Variants in CEACAM7 observed in about 807,000 individuals in gnomAD.
CEACAM7 encodes cell adhesion molecule CEACAM7.
In CEACAM7, 24 loss-of-function variants were observed where a neutral mutation model predicts 25.7. The ratio of observed to expected loss-of-function variants is 0.93; its 90% CI spans 0.68 to 1.31. The LOEUF is 1.31. CEACAM7 is among the 40% of genes most tolerant of loss of function. CEACAM7 has a pLI of 0.00. For synonymous variants in CEACAM7, 144 were observed against 129.4 expected, an observed-to-expected ratio of 1.11 and a Z score of -0.77; for missense variants, 324 against 330.1, an observed-to-expected ratio of 0.98 and a Z score of 0.14.
intron 3 of CEACAM7, among the ~76,000 whole-genome samples, chr19:41,679,801 C>CTCTCTTTT (rs35780292): frequency 8.0e-5 from 9 of 111,926 alleles, no homozygotes; most frequent in South Asian, 3.0e-4. Flanking sequence ...CTCTCTCTCT[C>CTCTCTTTT]TTTTTTTTTT....
chr19:41,675,086 G>A (rs576160202), intron 4 of CEACAM7, among the ~76,000 whole-genome samples: 2 of 152,306 alleles, frequency 1.3e-5, no homozygotes, highest in South Asian at 2.1e-4. Flanking sequence ...CAGTACCTCA[G>A]TACCTACGGG....
At chr19:41,676,844 G>A (rs2072118777) in intron 4 of CEACAM7, among the ~76,000 whole-genome samples, 1 of 152,164 alleles carries the variant, frequency 6.6e-6, no homozygotes, top group African/African-American at 2.4e-5. Flanking sequence ...TGTATAGGAA[G>A]ACAGATCTAA....
At position 41,674,056 on chromosome 19, in the gene CEACAM7, T is replaced by G. The variant is rs1263775808; in HGVS notation, c.*720A>C. ...ATTTGTTAATTTTTGCAACTGAGTC[T>G]CTATAGTACCCACTGTATTTATTTA... On this transcript the variant is annotated 3_prime_UTR_variant, in exon 5 of 5. Transcript: ENST00000401731. 2 of 152,250 alleles carry G rather than the reference T, an allele frequency of 1.3e-5. No homozygotes were observed. The highest frequency in any genetic ancestry group is 2.9e-5 in the Non-Finnish European group (2 of 68,046). The allele number at this position is 152,250 out of a possible 1,614,324, so 9.4% of individuals were successfully genotyped here.
At chr19:41,684,191 G>A in intron 2 of CEACAM7, 128 bp from the exon 3 acceptor site, 1 of 959,522 alleles carries the variant, frequency 1.0e-6, no homozygotes, top group Non-Finnish European at 1.6e-6. Flanking sequence ...CACAGAAGGT[G>A]TGTGTATCAC....
intron 2 of CEACAM7, among the ~76,000 whole-genome samples, chr19:41,686,580 G>A (rs1171586209): frequency 6.6e-6 from 1 of 152,138 alleles, no homozygotes; most frequent in Non-Finnish European, 1.5e-5. Flanking sequence ...TTTTCAGGGG[G>A]AGGGCACAGA....
intron 3 of CEACAM7, 68 bp from the exon 4 acceptor site, chr19:41,677,571 A>C: frequency 1.8e-6 from 2 of 1,136,052 alleles, no homozygotes; most frequent in Non-Finnish European, 2.6e-6. Context: ...CCAGGAACCA[A>C]CTCTCAGCAT....
chr19:41,675,447 A>C (rs2072104999), intron 4 of CEACAM7, among the ~76,000 whole-genome samples: 1 of 152,218 alleles, frequency 6.6e-6, no homozygotes, highest in Non-Finnish European at 1.5e-5. Context: ...TCATTAGTTC[A>C]TCTAGTCCCA....
intron 3 of CEACAM7, among the ~76,000 whole-genome samples, chr19:41,678,216 C>T (rs2072135874): frequency 6.6e-6 from 1 of 151,974 alleles, no homozygotes; most frequent in South Asian, 2.1e-4. Flanking sequence ...ACATACTAGG[C>T]TTGAGACTTC....
chr19:41,686,984 G>T lies in CEACAM7; in HGVS notation c.302C>A (p.Thr101Lys). ...APGPAHNGRE[T>K]IYPNGTLLIQ... ...CAGCAGGGTTCCATTGGGGTATATT[G>T]TCTCTCGACCGTTGTGTGCGGGCCC... Residue 101 changes from threonine to lysine, a missense_variant, in exon 2 of 5, where the codon ACA becomes AAA. Coordinates refer to ENST00000401731, the MANE Select transcript of CEACAM7 (RefSeq NM_001291485.2). 2 of 1,613,244 alleles carry T rather than the reference G, an allele frequency of 1.2e-6. No individual in the cohort carries two copies. Among genetic ancestry groups the T allele is most frequent in the Non-Finnish European group, 1.7e-6 (2 of 1,179,602 alleles).
intron 3 of CEACAM7, among the ~76,000 whole-genome samples, chr19:41,682,450 G>T (rs1446105098): frequency 6.6e-6 from 1 of 152,176 alleles, no homozygotes; most frequent in South Asian, 2.1e-4. Context: ...TGTCCACAGC[G>T]TCATACAGCG....
intron 1 of CEACAM7, 63 bp from the exon 2 acceptor site, chr19:41,687,284 C>G: frequency 7.3e-6 from 11 of 1,512,180 alleles, no homozygotes; most frequent in Non-Finnish European, 8.0e-6. Context: ...AAAGATGGGG[C>G]CCTGGATCCT....
Position 41,687,217 on chromosome 19 carries a change from C to G in CEACAM7, c.69G>C (p.Ser23=). Reference sequence around the variant, plus strand: ...TTGGCAGGTTCCAGAAGGTTAAAAGCGAGGCTAGGAGGGGGAGAGAACATC... The same window carrying G: ...TTGGCAGGTTCCAGAAGGTTAAAAGGGAGGCTAGGAGGGGGAGAGAACATC... ...IPWQGLLLTA[S]LLTFWNLPNS... The change falls in exon 2 of 5, where the codon TCG becomes TCC. Residue 23 remains serine (S), a synonymous_variant. Coordinates refer to ENST00000401731, the MANE Select transcript of CEACAM7 (RefSeq NM_001291485.2). 1 of 1,595,804 alleles carries G rather than the reference C, an allele frequency of 6.3e-7. No individual in the cohort carries two copies.
At chr19:41,686,788 G>A (rs535119290) in intron 2 of CEACAM7, 71 bp downstream of exon 2, 218 of 1,481,836 alleles carry the variant, frequency 1.5e-4, no homozygotes, top group Non-Finnish European at 1.9e-4. Context: ...GCACAACCCA[G>A]GCCTGACAAC....
chr19:41,688,006 C>A, intron 1 of CEACAM7, 96 bp downstream of exon 1: 2 of 540,736 alleles, frequency 3.7e-6, no homozygotes, highest in East Asian at 1.1e-4. Flanking sequence ...TCAACAGAAG[C>A]CCTTTGTCCC....
chr19:41,677,400 ACAC>A lies in CEACAM7; in HGVS notation c.*9_*11del. On this transcript the variant is annotated 3_prime_UTR_variant, in exon 4 of 5. Transcript: ENST00000401731. ...CCACTCTTCCCGAAATGCAGAAACTACACCAAGGCTGCTATATCAGAGCCATCC... is the reference window on the plus strand; with the variant it reads ...CCACTCTTCCCGAAATGCAGAAACTACAAGGCTGCTATATCAGAGCCATCC... 6.2e-7 allele frequency: 1 copy of A among 1,601,750 alleles called. No homozygotes were observed. The highest frequency in any genetic ancestry group is 1.3e-5 in the African/African-American group (1 of 74,754).
intron 4 of CEACAM7, among the ~76,000 whole-genome samples, chr19:41,676,884 G>A (rs1421312339): frequency 6.6e-6 from 1 of 152,208 alleles, no homozygotes; most frequent in Non-Finnish European, 1.5e-5. Flanking sequence ...CTCAGGAGTA[G>A]TGGTAAAGGA....
chr19:41,680,249 T>C (rs1486694267), intron 3 of CEACAM7, among the ~76,000 whole-genome samples: 2 of 151,736 alleles, frequency 1.3e-5, no homozygotes, highest in African/African-American at 4.8e-5. Context: ...GGTGAAAAAA[T>C]TGTAAGCTGA....
intron 3 of CEACAM7, among the ~76,000 whole-genome samples, chr19:41,680,529 A>C (rs2072164093): frequency 1.3e-5 from 2 of 152,236 alleles, no homozygotes; most frequent in South Asian, 4.1e-4. Context: ...CACAGTAATC[A>C]ACACAGTGTG....
chr19:41,685,332 G>T (rs2072216019), intron 2 of CEACAM7, among the ~76,000 whole-genome samples: 1 of 150,428 alleles, frequency 6.6e-6, no homozygotes, highest in African/African-American at 2.4e-5. Flanking sequence ...AAGATCCAGG[G>T]ATCTTGCTAT....
Sources: allele counts gnomAD v4.1 joint callset (sites outside exome capture counted in the v4.1 genomes callset), GRCh38; gene constraint gnomAD v4.1.1; transcripts MANE v1.5; gene names NCBI Gene and HGNC (gene_info 2026-07-23, HGNC 2026-07-21).